Variants in CERS6 observed in about 807,000 individuals in gnomAD.
CERS6 encodes ceramide synthase 6, also known as LAG1 homolog, ceramide synthase 6.
In CERS6, 26 loss-of-function variants were observed where a neutral mutation model predicts 56.8. The observed-to-expected ratio is 0.46, with a 90% CI of 0.34 to 0.63. The LOEUF (loss-of-function observed/expected upper bound fraction) is 0.63, where lower values mean the gene tolerates loss of function less well. Ranked by LOEUF, CERS6 falls within the 30% of genes least tolerant of loss-of-function variation. The pLI, the probability that CERS6 is intolerant of heterozygous loss-of-function variation, is 0.01. For missense variants in CERS6, 415 were observed against 467.5 expected (o/e 0.89, Z 1.04); for synonymous variants, 164 against 173.3 (o/e 0.95, Z 0.42).
At chr2:168,736,101 AT>A in intron 8 of CERS6, among the ~76,000 whole-genome samples, 1 of 152,160 alleles carries the variant, frequency 6.6e-6, no homozygotes, top group East Asian at 1.9e-4. Context: ...TTTGGTATTA[AT>A]TTACTCTTAG....
At chr2:168,663,965 C>T (rs60183865) in intron 4 of CERS6, among the ~76,000 whole-genome samples, 62,728 of 151,520 alleles carry the variant, frequency 0.41, 13,983 homozygotes, top group Non-Finnish European at 0.51. Flanking sequence ...CTCCCAGCAA[C>T]TATATAAAAA....
chr2:168,760,086 C>T (rs1440485436), intron 8 of CERS6, among the ~76,000 whole-genome samples: 2 of 152,198 alleles, frequency 1.3e-5, no homozygotes. Context: ...CAGCCTCCCT[C>T]AGATCCCCCC....
intron 3 of CERS6, among the ~76,000 whole-genome samples, chr2:168,590,844 A>G (rs1450847709): frequency 6.6e-6 from 1 of 152,200 alleles, no homozygotes; most frequent in East Asian, 1.9e-4. Context: ...GAGAATTGGA[A>G]TAACGTGCCC....
At chr2:168,609,843 A>C (rs1684140749) in intron 3 of CERS6, among the ~76,000 whole-genome samples, 1 of 152,118 alleles carries the variant, frequency 6.6e-6, no homozygotes. Context: ...ACAGGGCTTA[A>C]CAGGTTTGAT....
At chr2:168,513,851 G>A (rs1050400899) in intron 1 of CERS6, among the ~76,000 whole-genome samples, 1 of 152,066 alleles carries the variant, frequency 6.6e-6, no homozygotes, top group African/African-American at 2.4e-5. Flanking sequence ...GTTGCGAGGT[G>A]GAGCCGGACC....
At chr2:168,752,501 G>A (rs1192143139) in intron 8 of CERS6, among the ~76,000 whole-genome samples, 1 of 152,162 alleles carries the variant, frequency 6.6e-6, no homozygotes, top group Non-Finnish European at 1.5e-5. Context: ...AGGTAAGGCT[G>A]CAGACTCTCC....
intron 3 of CERS6, among the ~76,000 whole-genome samples, chr2:168,590,899 A>G (rs1683655317): frequency 6.6e-6 from 1 of 152,262 alleles, no homozygotes. Flanking sequence ...CACTGAATCC[A>G]GATAATTGGT....
At chr2:168,590,068 A>G (rs1683636568) in intron 3 of CERS6, among the ~76,000 whole-genome samples, 1 of 152,196 alleles carries the variant, frequency 6.6e-6, no homozygotes, top group South Asian at 2.1e-4. Context: ...TGCTCAGTTG[A>G]CTGATAAGAG....
In CERS6 at chr2:168,546,034, G is replaced by A. The variant is rs759276961; in HGVS notation, c.171-1562G>A. On this transcript the variant is annotated intron_variant, in intron 1 of 9. Coordinates refer to ENST00000305747, the MANE Select transcript of CERS6 (RefSeq NM_203463.3). ...GCTGGACCGTATGTCTTTTCACCCCGCTCTGTTGTACCTTATGATGAGGGG... is the reference window on the plus strand; with the variant it reads ...GCTGGACCGTATGTCTTTTCACCCCACTCTGTTGTACCTTATGATGAGGGG... Among the ~76,000 whole-genome samples, 4 of 152,092 alleles carry A rather than the reference G, an allele frequency of 2.6e-5. No individual in the cohort carries two copies. The East Asian group carries it at 5.8e-4, about 22-fold the overall frequency.
chr2:168,490,633 A>C (rs889070876), intron 1 of CERS6, among the ~76,000 whole-genome samples: 1 of 152,148 alleles, frequency 6.6e-6, no homozygotes, highest in African/African-American at 2.4e-5. Flanking sequence ...TTTCTCACTC[A>C]GGTCACAACC....
At chr2:168,755,575 C>T (rs1170348124) in intron 8 of CERS6, among the ~76,000 whole-genome samples, 2 of 152,202 alleles carry the variant, frequency 1.3e-5, no homozygotes, top group Admixed American at 1.3e-4. Context: ...GAACCTATCC[C>T]ACCCATAGGT....
chr2:168,686,612 C>T (rs140368066), intron 4 of CERS6, among the ~76,000 whole-genome samples: 1 of 152,038 alleles, frequency 6.6e-6, no homozygotes, highest in African/African-American at 2.4e-5. Context: ...TTCAGTGTTT[C>T]TAGGTAATAG....
chr2:168,504,202 G>T (rs1382942402), intron 1 of CERS6, among the ~76,000 whole-genome samples: 1 of 152,082 alleles, frequency 6.6e-6, no homozygotes, highest in African/African-American at 2.4e-5. Context: ...TTGAGTTCAA[G>T]AGTCAAGACC....
chr2:168,573,626 C>T (rs997087826), intron 3 of CERS6, among the ~76,000 whole-genome samples: 20 of 151,990 alleles, frequency 1.3e-4, no homozygotes, highest in African/African-American at 4.8e-4. Flanking sequence ...TTCTAGGTGC[C>T]GGGAGTCACT....
chr2:168,760,778 C>T (rs1435777452), intron 8 of CERS6, among the ~76,000 whole-genome samples: 5 of 145,066 alleles, frequency 3.4e-5, no homozygotes, highest in East Asian at 1.9e-4. Flanking sequence ...TTTTTTGAGA[C>T]GGAGTCTTGC....
At chr2:168,599,969 A>T (rs955610648) in intron 3 of CERS6, among the ~76,000 whole-genome samples, 37 of 152,286 alleles carry the variant, frequency 2.4e-4, no homozygotes, top group African/African-American at 8.9e-4. Context: ...TAATAAACCT[A>T]AGAGTCATTT....
chr2:168,525,752 A>G (rs1695060469), intron 1 of CERS6, among the ~76,000 whole-genome samples: 1 of 152,220 alleles, frequency 6.6e-6, no homozygotes, highest in Non-Finnish European at 1.5e-5. Flanking sequence ...CCCTTTTCTT[A>G]CAATTATCAC....
intron 3 of CERS6, among the ~76,000 whole-genome samples, chr2:168,580,820 C>T (rs1028876483): frequency 3.3e-5 from 5 of 152,066 alleles, no homozygotes; most frequent in African/African-American, 9.7e-5. Context: ...ATTATATCAT[C>T]GCACTGTCTT....
chr2:168,621,754 C>T (rs775735852), intron 3 of CERS6, among the ~76,000 whole-genome samples: 5 of 152,058 alleles, frequency 3.3e-5, no homozygotes, highest in Non-Finnish European at 7.4e-5. Flanking sequence ...AAAACAAAAT[C>T]AAAGTTAAAT....
Sources: allele counts gnomAD v4.1 joint callset (sites outside exome capture counted in the v4.1 genomes callset), GRCh38; gene constraint gnomAD v4.1.1; transcripts MANE v1.5; gene names NCBI Gene and HGNC (gene_info 2026-07-23, HGNC 2026-07-21).